Variants in ACLY observed in about 807,000 individuals in gnomAD.
The protein encoded by ACLY is ATP citrate lyase.
ACLY carries 41 observed loss-of-function variants against 133.0 expected under a neutral mutation model. The observed-to-expected ratio is 0.31, with a 90% confidence interval of 0.24 to 0.40. The LOEUF is 0.40. Ranked by LOEUF, ACLY falls within the 10% of genes least tolerant of loss-of-function variation. The pLI is 1.00. For synonymous variants in ACLY, 495 were observed against 549.3 expected (o/e 0.90, Z 1.38); for missense variants, 1,046 against 1,453.8 (o/e 0.72, Z 4.56).
In ACLY at chr17:41,867,836, C is replaced by T; in HGVS notation, c.3280G>A (p.Val1094Ile). The T allele has an allele frequency of 2.5e-6, 4 of 1,611,458 alleles. No individual in the cohort carries two copies. The highest frequency in any genetic ancestry group is 3.4e-6 in the Non-Finnish European group (4 of 1,178,750). The change falls in exon 29 of 29, where the codon GTT becomes ATT. Residue 1094 changes from valine to isoleucine, a missense_variant. Physicochemically the swap from Val to Ile is conservative, Grantham distance 29. Around this residue, in one of 4 missense-constraint regions of ACLY, gnomAD observed 205 missense variants for 373.3 expected, o/e 0.55. Transcript: ENST00000352035. ...YRHPWDDISY[V>I]LPEHMSM is the part of the protein sequence containing the mutation. ...TACATGCTCATGTGTTCCGGAAGAA[C>T]ATATGAAATATCATCCCACGGATGA...
chr17:41,869,010 CGTAA>C (rs782183056), intron 27 of ACLY, 29 bp downstream of exon 27: 11 of 1,562,938 alleles, frequency 7.0e-6, no homozygotes, highest in South Asian at 6.9e-5. Context: ...AATCAACAAA[CGTAA>C]TGAAGAAGAA....
chr17:41,877,665 T>G (rs2048799683), intron 22 of ACLY, among the ~76,000 whole-genome samples: 1 of 152,082 alleles, frequency 6.6e-6, no homozygotes, highest in Non-Finnish European at 1.5e-5. Context: ...ATCATTTGAG[T>G]CAGTGGGCTG....
intron 6 of ACLY, among the ~76,000 whole-genome samples, chr17:41,907,871 T>C (rs1338214982): frequency 6.6e-6 from 1 of 152,194 alleles, no homozygotes; most frequent in African/African-American, 2.4e-5. Context: ...TCCCTGCTTT[T>C]GAGTATCTAA....
intron 13 of ACLY, among the ~76,000 whole-genome samples, chr17:41,897,364 C>A (rs1555630613): frequency 6.6e-6 from 1 of 152,050 alleles, no homozygotes; most frequent in Non-Finnish European, 1.5e-5. Context: ...GTTGTATGAG[C>A]TGGCTCTGCC....
intron 28 of ACLY, 79 bp from the exon 29 acceptor site, chr17:41,867,983 T>C: frequency 9.8e-7 from 1 of 1,020,542 alleles, no homozygotes. Context: ...AGGGAAATCT[T>C]TCTAACACAC....
In ACLY at chr17:41,897,614, T is replaced by G. The variant is rs2049408097; in HGVS notation, c.1429+135A>C. ...AGTCATACCATCCTCGTGTCCCAGG[T>G]GCACTCCCATTGCAAAACCCAAACC... On this transcript the variant is annotated intron_variant, in intron 13 of 28. Coordinates refer to ENST00000352035, the MANE Select transcript of ACLY (RefSeq NM_001096.3). The G allele has an allele frequency of 5.4e-6, 4 of 744,840 alleles. No individual in the cohort carries two copies. In the South Asian group the frequency reaches 5.5e-5, roughly 10 times the overall value. The allele number at this position is 744,840 out of a possible 1,614,324, so 46.1% of individuals were successfully genotyped here. A position where few individuals can be genotyped will look rare whatever the true frequency, so the allele number is the denominator to read the frequency against.
intron 1 of ACLY, among the ~76,000 whole-genome samples, chr17:41,915,901 A>G (rs1480184571): frequency 6.6e-6 from 1 of 152,190 alleles, no homozygotes; most frequent in African/African-American, 2.4e-5. Context: ...GACTCCTTCC[A>G]TAACTCCAGG....
chr17:41,909,577 C>A lies in ACLY; in HGVS notation c.469G>T (p.Asp157Tyr), dbSNP rs1555633289. ...AKAQKLLVGV[D>Y]EKLNPEDIKK... is the part of the protein sequence containing the mutation. ...ATGTCCTCAGGATTCAGTTTCTCATCCACGCCAACAAGCAGCTTCTGGGCC... is the reference window on the plus strand; with the variant it reads ...ATGTCCTCAGGATTCAGTTTCTCATACACGCCAACAAGCAGCTTCTGGGCC... The change falls in exon 5 of 29, where the codon GAT becomes TAT. Residue 157 changes from aspartate (D) to tyrosine (Y), a missense_variant. Around this residue, in one of 4 missense-constraint regions of ACLY, gnomAD observed 227 missense variants for 245.6 expected, o/e 0.92. Transcript: ENST00000352035. 4 of 1,614,098 alleles carry A rather than the reference C, an allele frequency of 2.5e-6. No homozygotes were observed. Among genetic ancestry groups the A allele is most frequent in the Admixed American group, 1.7e-5 (1 of 60,012 alleles).
At chr17:41,869,327 G>A in intron 26 of ACLY, 147 bp downstream of exon 26, 1 of 800,262 alleles carries the variant, frequency 1.2e-6, no homozygotes, top group South Asian at 1.7e-5. Flanking sequence ...TTTAGTGCAT[G>A]TCTGTTAAAT....
chr17:41,918,014 AG>A (rs1668982022), intron 1 of ACLY, among the ~76,000 whole-genome samples: 1 of 152,208 alleles, frequency 6.6e-6, no homozygotes. Context: ...TCCTCTTCCC[AG>A]GAAGACCTCC....
chr17:41,908,955 C>T (rs1598035714), intron 6 of ACLY, 34 bp downstream of exon 6: 1 of 1,566,770 alleles, frequency 6.4e-7, no homozygotes, highest in Non-Finnish European at 8.8e-7. Context: ...GCACTGGGAC[C>T]CTTGCCCCCT....
chr17:41,876,882 G>A (rs1257263701), intron 22 of ACLY, among the ~76,000 whole-genome samples: 1 of 149,456 alleles, frequency 6.7e-6, no homozygotes, highest in Non-Finnish European at 1.5e-5. Flanking sequence ...CCCCCTCTGC[G>A]AGAAACACCC....
At chr17:41,911,257 G>C (rs1555633601) in intron 3 of ACLY, among the ~76,000 whole-genome samples, 1 of 152,158 alleles carries the variant, frequency 6.6e-6, no homozygotes, top group East Asian at 1.9e-4. Context: ...AGCCAAGGAA[G>C]AGAACAGCTC....
In ACLY at chr17:41,893,048, A is replaced by G. The variant is rs1555629647; in HGVS notation, c.1586T>C (p.Met529Thr). The stretch of plus-strand genomic sequence containing the variant: ...GGTAACTCACGTGAAAGGGTAGACC[A>G]TGGCAGCCACTGAGGGCTCGTCTCG... Reference protein sequence around the residue: ...CSRDEPSVAAMVYPFTGDHKQ... With the variant: ...CSRDEPSVAATVYPFTGDHKQ... Residue 529 changes from methionine to threonine, a missense_variant, in exon 15 of 29, where the codon ATG becomes ACG. By Grantham distance (81) the Met-to-Thr change is moderately conservative. Transcript: ENST00000352035. The G allele has an allele frequency of 6.2e-7, 1 of 1,613,808 alleles. No individual in the cohort carries two copies. The highest frequency in any genetic ancestry group is 8.5e-7 in the Non-Finnish European group (1 of 1,179,838).
chr17:41,869,448 G>C (rs1157943337), intron 26 of ACLY, 26 bp downstream of exon 26: 14 of 1,576,218 alleles, frequency 8.9e-6, no homozygotes, highest in Non-Finnish European at 1.2e-5. Context: ...CAACGTGAGG[G>C]AATTAGGAAG....
At chr17:41,898,513 T>G (rs115517233) in intron 12 of ACLY, 118 bp downstream of exon 12, 29 of 1,338,644 alleles carry the variant, frequency 2.2e-5, no homozygotes, top group Non-Finnish European at 2.7e-5. Context: ...AAACCAACCA[T>G]GCACTAACTC....
chr17:41,893,297 C>T (rs1375896760), intron 14 of ACLY, 123 bp from the exon 15 acceptor site: 14 of 1,125,874 alleles, frequency 1.2e-5, no homozygotes, highest in South Asian at 2.2e-5. Flanking sequence ...TCATCACAAC[C>T]GTAAAGGAAT....
intron 1 of ACLY, 21 bp downstream of exon 1, chr17:41,918,859 A>C: frequency 7.8e-7 from 1 of 1,287,124 alleles, no homozygotes; most frequent in Non-Finnish European, 1.0e-6. Flanking sequence ...CCAGCCAGCG[A>C]AAACAGCCTC....
intron 15 of ACLY, among the ~76,000 whole-genome samples, chr17:41,892,679 C>CA (rs2144311344): frequency 6.7e-6 from 1 of 148,528 alleles, no homozygotes; most frequent in Non-Finnish European, 1.5e-5. Flanking sequence ...CAAGCCTTGC[C>CA]TTTTTTTTTT....
Sources: gnomAD v4.1 joint callset for allele counts (sites outside exome capture counted in the v4.1 genomes callset) on GRCh38, gnomAD v4.1.1 for gene constraint, gnomAD v4.1.1 regional missense constraint, MANE v1.5 for transcripts, NCBI Gene and HGNC (gene_info 2026-07-23, HGNC 2026-07-21) for gene names.